Variants in KLHL20 observed in about 807,000 individuals in gnomAD.
The protein encoded by KLHL20 is kelch like family member 20, also known as kelch-like protein 20.
A neutral mutation model predicts 69.5 loss-of-function variants in KLHL20; 29 were observed. That is an observed-to-expected ratio of 0.42 (90% CI 0.31 to 0.57). The LOEUF (loss-of-function observed/expected upper bound fraction) is 0.57. Among genes scored for constraint, KLHL20 ranks in the 20% least tolerant of loss-of-function variants. The pLI, the probability that KLHL20 is intolerant of heterozygous loss-of-function variation, is 0.18. For missense variants in KLHL20, 419 were observed against 776.0 expected (o/e 0.54, Z 5.47); for synonymous variants, 253 against 265.2 (o/e 0.95, Z 0.45).
At chr1:173,770,943 C>A (rs1163511291) in intron 8 of KLHL20, among the ~76,000 whole-genome samples, 1 of 151,994 alleles carries the variant, frequency 6.6e-6, no homozygotes, top group Non-Finnish European at 1.5e-5. Flanking sequence ...AATAACATGA[C>A]TGTACCTTGA....
At chr1:173,770,978 A>T (rs1300926865) in intron 8 of KLHL20, among the ~76,000 whole-genome samples, 1 of 152,206 alleles carries the variant, frequency 6.6e-6, no homozygotes, top group African/African-American at 2.4e-5. Flanking sequence ...TTCCTTAGAC[A>T]TCTACAAAAA....
intron 7 of KLHL20, among the ~76,000 whole-genome samples, chr1:173,760,973 C>T (rs896668045): frequency 6.6e-6 from 1 of 152,172 alleles, no homozygotes; most frequent in African/African-American, 2.4e-5. Context: ...AACTCACCAA[C>T]CATCTGCTGC....
At chr1:173,719,573 C>T (rs1057481711) in intron 2 of KLHL20, among the ~76,000 whole-genome samples, 1 of 151,712 alleles carries the variant, frequency 6.6e-6, no homozygotes, top group Admixed American at 6.6e-5. Context: ...GAGCCAAAAT[C>T]GTGCCACTGC....
chr1:173,774,525 G>A, intron 9 of KLHL20, 87 bp downstream of exon 9: 5 of 1,464,884 alleles, frequency 3.4e-6, no homozygotes, highest in Non-Finnish European at 4.7e-6. Context: ...GAAACTCCAG[G>A]TTATCCTATA....
At chr1:173,759,034 GTGGGAGTGAGACCA>G (rs970599740) in intron 7 of KLHL20, among the ~76,000 whole-genome samples, 5 of 152,198 alleles carry the variant, frequency 3.3e-5, no homozygotes, top group Non-Finnish European at 5.9e-5. Flanking sequence ...GAGGGGCACG[GTGGGAGTGAGACCA>G]TGGGAGTGAG....
chr1:173,776,843 T>C (rs937519761), intron 10 of KLHL20, among the ~76,000 whole-genome samples: 1 of 152,226 alleles, frequency 6.6e-6, no homozygotes, highest in Non-Finnish European at 1.5e-5. Flanking sequence ...TAATTTGAAG[T>C]CAGATAATGT....
Position 173,751,924 on chromosome 1 carries a change from T to G in KLHL20, c.756+2T>G. 1 of 1,612,710 alleles carries G rather than the reference T, an allele frequency of 6.2e-7. No homozygotes were observed. The highest frequency in any genetic ancestry group is 8.5e-7 in the Non-Finnish European group (1 of 1,179,248). On this transcript the variant is annotated splice_donor_variant, in intron 4 of 11. Coordinates refer to ENST00000209884, the MANE Select transcript of KLHL20 (RefSeq NM_014458.4). LOFTEE classifies it high-confidence loss of function. ...GAAAGACGTCCTCAATTACCCCAGG[T>G]AATGATAGAAATTCTTCTCTAAGAA...
intron 3 of KLHL20, among the ~76,000 whole-genome samples, chr1:173,745,944 CAG>C (rs1417759275): frequency 6.6e-6 from 1 of 151,960 alleles, no homozygotes; most frequent in Non-Finnish European, 1.5e-5. Flanking sequence ...GCCTGGGCAA[CAG>C]AGTGAGACTT....
intron 3 of KLHL20, 120 bp from the exon 4 acceptor site, chr1:173,751,644 T>C: frequency 2.4e-6 from 2 of 830,582 alleles, no homozygotes; most frequent in Non-Finnish European, 3.6e-6. Context: ...TTTCCTCTGG[T>C]ATCGTTTGAA....
chr1:173,745,948 G>C (rs563507559), intron 3 of KLHL20, among the ~76,000 whole-genome samples: 12 of 152,004 alleles, frequency 7.9e-5, no homozygotes, highest in African/African-American at 2.9e-4. Flanking sequence ...GGGCAACAGA[G>C]TGAGACTTTG....
At chr1:173,741,544 A>G in intron 3 of KLHL20, 1 of 413,730 alleles carries the variant, frequency 2.4e-6, no homozygotes, top group South Asian at 9.8e-5. Flanking sequence ...AGATTTGACT[A>G]CATACAATTC....
chr1:173,742,434 A>G (rs1672846710), intron 3 of KLHL20, among the ~76,000 whole-genome samples: 1 of 152,094 alleles, frequency 6.6e-6, no homozygotes, highest in Admixed American at 6.5e-5. Flanking sequence ...ATCAATACCA[A>G]TGAGATCATC....
chr1:173,717,912 A>G (rs1671538088), intron 2 of KLHL20, among the ~76,000 whole-genome samples: 1 of 152,200 alleles, frequency 6.6e-6, no homozygotes, highest in Non-Finnish European at 1.5e-5. Flanking sequence ...TTTATGTACT[A>G]TCATTTGCAT....
At chr1:173,715,959 T>A in intron 1 of KLHL20, 44 bp from the exon 2 acceptor site, 6 of 1,351,826 alleles carry the variant, frequency 4.4e-6, no homozygotes, top group Non-Finnish European at 6.3e-6. Flanking sequence ...ACTGTAAAGA[T>A]CAGAAATAGC....
chr1:173,775,854 T>C lies in KLHL20; in HGVS notation c.1638+12T>C. On this transcript the variant is annotated intron_variant, in intron 10 of 11. Transcript: ENST00000209884. ...CACGCCGTAGTGGAGTAAGTGGTTA[T>C]GGACACTTAGGTTGCTTCCAAATCT... 2 of 1,613,114 alleles carry C rather than the reference T, an allele frequency of 1.2e-6. No individual in the cohort carries two copies. Among genetic ancestry groups the C allele is most frequent in the South Asian group, 2.2e-5 (2 of 91,030 alleles).
chr1:173,774,201 T>A, intron 8 of KLHL20, 104 bp from the exon 9 acceptor site: 1 of 1,324,542 alleles, frequency 7.5e-7, no homozygotes, highest in Non-Finnish European at 1.1e-6. Flanking sequence ...CATTTGACTA[T>A]AGCAAGTCCG....
At chr1:173,748,067 G>T (rs1436781057) in intron 3 of KLHL20, among the ~76,000 whole-genome samples, 1 of 151,890 alleles carries the variant, frequency 6.6e-6, no homozygotes, top group East Asian at 1.9e-4. Flanking sequence ...ATTCAGAGAT[G>T]AAATAGGCAA....
chr1:173,756,507 G>A (rs751685124), intron 6 of KLHL20, among the ~76,000 whole-genome samples: 1 of 152,100 alleles, frequency 6.6e-6, no homozygotes, highest in East Asian at 1.9e-4. Context: ...CTCCAGCCTG[G>A]GGAACAGAAC....
intron 8 of KLHL20, among the ~76,000 whole-genome samples, chr1:173,771,425 C>T (rs1196865398): frequency 1.3e-5 from 2 of 151,982 alleles, no homozygotes; most frequent in African/African-American, 4.8e-5. Flanking sequence ...TACATAGATA[C>T]ATACAGTTAA....
Sources: allele counts gnomAD v4.1 joint callset (sites outside exome capture counted in the v4.1 genomes callset), GRCh38; gene constraint gnomAD v4.1.1; transcripts MANE v1.5; gene names NCBI Gene and HGNC (gene_info 2026-07-23, HGNC 2026-07-21).